The following ACER3 variants were observed in gnomAD, a reference collection of about 807,000 sequenced individuals.
ACER3 encodes alkaline ceramidase 3.
In ACER3, 16 loss-of-function variants were observed where a neutral mutation model predicts 48.9. The ratio of observed to expected loss-of-function variants is 0.33; its 90% CI spans 0.22 to 0.50. ACER3 has a LOEUF of 0.50. Among genes scored for constraint, ACER3 ranks in the 20% least tolerant of loss-of-function variants. The pLI is 0.98. For missense variants in ACER3, 227 were observed against 326.0 expected (o/e 0.70, Z 2.34); for synonymous variants, 109 against 107.8 (o/e 1.01, Z -0.07).
At chr11:76,902,722 C>A (rs1421671181) in intron 1 of ACER3, among the ~76,000 whole-genome samples, 1 of 152,168 alleles carries the variant, frequency 6.6e-6, no homozygotes, top group Non-Finnish European at 1.5e-5. Context: ...CACAAGAGAT[C>A]ACTTTTTACT....
chr11:76,873,424 A>G (rs1484588233), intron 1 of ACER3, among the ~76,000 whole-genome samples: 2 of 152,240 alleles, frequency 1.3e-5, no homozygotes, highest in East Asian at 3.8e-4. Context: ...TTGCAAACCA[A>G]GTTAGGTGTT....
At chr11:76,956,987 C>T (rs113325590) in intron 2 of ACER3, among the ~76,000 whole-genome samples, 89 of 152,110 alleles carry the variant, frequency 5.9e-4, no homozygotes, top group Middle Eastern at 3.4e-3. Context: ...TATTTAATGA[C>T]GCCCCTACTC....
chr11:76,864,991 T>C (rs556723541), intron 1 of ACER3, among the ~76,000 whole-genome samples: 1 of 151,320 alleles, frequency 6.6e-6, no homozygotes, highest in South Asian at 2.1e-4. Flanking sequence ...GGATTTTTCT[T>C]GAGACAAGGT....
At chr11:76,915,182 TATAATTTAAAA>T (rs745599589) in intron 1 of ACER3, among the ~76,000 whole-genome samples, 4,884 of 150,404 alleles carry the variant, frequency 0.032, 95 homozygotes, top group South Asian at 0.065. Context: ...GGACTTAAAG[TATAATTTAAAA>T]AAAGGAAAAA....
chr11:76,935,425 AT>A (rs1249953242), intron 2 of ACER3, among the ~76,000 whole-genome samples: 4 of 152,194 alleles, frequency 2.6e-5, no homozygotes, highest in African/African-American at 9.7e-5. Context: ...AGAATGATCA[AT>A]TTTGAGATAG....
chr11:76,955,002 T>C lies in ACER3; in HGVS notation c.215-3977T>C, dbSNP rs145647146. ...CAGTGGAAATGCTTGGAGTATTAAG[T>C]ACACAGTAAATATTTATTGAAAACA... On this transcript the variant is annotated intron_variant, in intron 2 of 10. Transcript: ENST00000532485. 1.2e-3 allele frequency among the ~76,000 whole-genome samples: 179 copies of C among 152,334 alleles called. 1 individual carries two copies. Among genetic ancestry groups the C allele is most frequent in the African/African-American group, 4.2e-3 (174 of 41,566 alleles).
chr11:76,968,988 C>T (rs1171667465), intron 3 of ACER3, among the ~76,000 whole-genome samples: 1 of 152,130 alleles, frequency 6.6e-6, no homozygotes, highest in African/African-American at 2.4e-5. Context: ...AAAGAAACTA[C>T]CATCAGAGTG....
intron 6 of ACER3, among the ~76,000 whole-genome samples, chr11:76,997,933 C>T (rs538238962): frequency 6.6e-6 from 1 of 152,208 alleles, no homozygotes; most frequent in African/African-American, 2.4e-5. Flanking sequence ...TTGTAGATGA[C>T]TAGTTTAAGT....
chr11:76,944,437 G>T (rs978844461), intron 2 of ACER3, among the ~76,000 whole-genome samples: 1 of 152,092 alleles, frequency 6.6e-6, no homozygotes, highest in African/African-American at 2.4e-5. Context: ...CTCTGGGAAA[G>T]ACTTTATTTT....
chr11:76,946,554 T>C (rs771673736), intron 2 of ACER3, among the ~76,000 whole-genome samples: 1 of 152,144 alleles, frequency 6.6e-6, no homozygotes, highest in Non-Finnish European at 1.5e-5. Flanking sequence ...GGGGACTAGG[T>C]AGGGCAGGGC....
chr11:77,013,092 C>T (rs1433604255), intron 7 of ACER3, among the ~76,000 whole-genome samples: 1 of 152,110 alleles, frequency 6.6e-6, no homozygotes, highest in African/African-American at 2.4e-5. Flanking sequence ...TTCAACCTCA[C>T]ACCAATATAA....
At chr11:76,943,519 A>C (rs972793647) in intron 2 of ACER3, among the ~76,000 whole-genome samples, 4 of 152,082 alleles carry the variant, frequency 2.6e-5, no homozygotes, top group African/African-American at 9.7e-5. Flanking sequence ...TGATCTGAGA[A>C]GATACTTAAT....
intron 5 of ACER3, among the ~76,000 whole-genome samples, chr11:76,986,074 G>A (rs1227119845): frequency 6.6e-6 from 1 of 152,198 alleles, no homozygotes; most frequent in East Asian, 1.9e-4. Flanking sequence ...AAATGTGACT[G>A]TTGTAATGGT....
At chr11:77,019,199 G>A (rs548287991) in intron 9 of ACER3, among the ~76,000 whole-genome samples, 3 of 152,260 alleles carry the variant, frequency 2.0e-5, no homozygotes, top group East Asian at 1.9e-4. Context: ...GGTGGCTCAC[G>A]CCTGTAATCC....
chr11:76,920,509 C>G (rs1946657064), intron 1 of ACER3, among the ~76,000 whole-genome samples: 2 of 152,066 alleles, frequency 1.3e-5, no homozygotes, highest in Non-Finnish European at 1.5e-5. Flanking sequence ...TGCTCCTTAC[C>G]TCTGATATTC....
At chr11:76,977,944 CT>C (rs1322395281) in intron 4 of ACER3, among the ~76,000 whole-genome samples, 1 of 152,246 alleles carries the variant, frequency 6.6e-6, no homozygotes, top group Non-Finnish European at 1.5e-5. Context: ...AGCCCGGGTG[CT>C]GCCACAACTT....
intron 1 of ACER3, among the ~76,000 whole-genome samples, chr11:76,868,546 T>C (rs1945162852): frequency 6.6e-6 from 1 of 152,056 alleles, no homozygotes; most frequent in Non-Finnish European, 1.5e-5. Flanking sequence ...TCTCCATCTC[T>C]CTGGTCTTCC....
intron 2 of ACER3, among the ~76,000 whole-genome samples, chr11:76,951,190 CA>C (rs1947657938): frequency 6.6e-6 from 1 of 152,088 alleles, no homozygotes; most frequent in African/African-American, 2.4e-5. Context: ...TATTTTTTAT[CA>C]CAAGATTCAT....
intron 4 of ACER3, among the ~76,000 whole-genome samples, chr11:76,978,921 C>T (rs1376154340): frequency 6.6e-6 from 1 of 152,210 alleles, no homozygotes; most frequent in Non-Finnish European, 1.5e-5. Flanking sequence ...TCTGGAGCTG[C>T]CTGCCCTGCT....
Sources: gnomAD v4.1 joint callset for allele counts (sites outside exome capture counted in the v4.1 genomes callset) on GRCh38, gnomAD v4.1.1 for gene constraint, MANE v1.5 for transcripts, NCBI Gene and HGNC (gene_info 2026-07-23, HGNC 2026-07-21) for gene names.